TSHZ2: variants seen among roughly 807,000 people sequenced by gnomAD.
TSHZ2 encodes teashirt homolog 2.
TSHZ2 carries 21 observed loss-of-function variants against 74.4 expected under a neutral mutation model. The observed-to-expected ratio is 0.28, with a 90% CI of 0.20 to 0.41. The LOEUF (loss-of-function observed/expected upper bound fraction) is 0.41. Ranked by LOEUF, TSHZ2 falls within the 10% of genes least tolerant of loss-of-function variation. The probability of loss-of-function intolerance (pLI) is 1.00; values close to 1 mark genes in which losing one functional copy is unlikely to be tolerated. For synonymous variants in TSHZ2, 540 were observed against 515.3 expected (o/e 1.05, Z -0.65); for missense variants, 1,244 against 1,293.5 (o/e 0.96, Z 0.59).
chr20:53,299,632 C>A (rs542974075), intron 2 of TSHZ2, among the ~76,000 whole-genome samples: 1 of 152,196 alleles, frequency 6.6e-6, no homozygotes, highest in East Asian at 1.9e-4. Context: ...TATGGCTTCA[C>A]CATATGTACA....
At chr20:53,287,180 CT>C (rs559335302) in intron 2 of TSHZ2, among the ~76,000 whole-genome samples, 29 of 152,086 alleles carry the variant, frequency 1.9e-4, no homozygotes, top group Non-Finnish European at 3.8e-4. Context: ...ATATACTGAA[CT>C]TTTTCAAGGA....
chr20:53,462,365 G>T (rs1291462491), intron 2 of TSHZ2, among the ~76,000 whole-genome samples: 2 of 152,220 alleles, frequency 1.3e-5, no homozygotes. Context: ...AAGATTCTGT[G>T]TCCAGGCAGT....
At chr20:53,064,149 T>C (rs750399831) in intron 1 of TSHZ2, among the ~76,000 whole-genome samples, 5 of 152,206 alleles carry the variant, frequency 3.3e-5, no homozygotes, top group Admixed American at 6.5e-5. Flanking sequence ...CACCACCACT[T>C]ATCTATATAC....
chr20:53,257,952 T>C (rs939194882), intron 2 of TSHZ2, among the ~76,000 whole-genome samples: 1 of 152,204 alleles, frequency 6.6e-6, no homozygotes, highest in Non-Finnish European at 1.5e-5. Context: ...GAGCGGTATT[T>C]ACATGGCATG....
At chr20:53,435,184 T>C (rs1326010745) in intron 2 of TSHZ2, among the ~76,000 whole-genome samples, 2 of 152,218 alleles carry the variant, frequency 1.3e-5, no homozygotes, top group Non-Finnish European at 2.9e-5. Flanking sequence ...TTTTATTTCT[T>C]TGCAGCACAG....
intron 1 of TSHZ2, among the ~76,000 whole-genome samples, chr20:53,243,783 T>C (rs554957451): frequency 1.7e-4 from 26 of 152,268 alleles, no homozygotes; most frequent in Non-Finnish European, 2.2e-4. Context: ...CCAATGTAGC[T>C]TTTCTGAGAG....
intron 1 of TSHZ2, among the ~76,000 whole-genome samples, chr20:53,160,765 A>G (rs1987912178): frequency 6.7e-6 from 1 of 150,352 alleles, no homozygotes; most frequent in Non-Finnish European, 1.5e-5. Flanking sequence ...AAAAAAAAAG[A>G]CATTTCAGTT....
rs1173093922 is a variant in TSHZ2, at chr20:53,494,897, T to C, written c.*7762T>C. 1.3e-5 allele frequency: 2 copies of C among 152,064 alleles called. No individual in the cohort carries two copies. Among genetic ancestry groups the C allele is most frequent in the South Asian group, 2.1e-4 (1 of 4,820 alleles). The allele number at this position is 152,064 out of a possible 1,614,324, so 9.4% of individuals were successfully genotyped here. The stretch of plus-strand genomic sequence containing the variant: ...AGTTATTGGAAATAGACTGTTCCCA[T>C]CTGAAACCGTATCGTAATTTGCATC... On this transcript the variant is annotated 3_prime_UTR_variant, in exon 3 of 3. Transcript: ENST00000371497.
In TSHZ2 at chr20:53,039,781, A is replaced by AACAC. The variant is rs61356112; in HGVS notation, c.40+66479_40+66482dup. On this transcript the variant is annotated intron_variant, in intron 1 of 2. Transcript: ENST00000371497. The stretch of plus-strand genomic sequence containing the variant: ...GGTGACAGAGCTAGACTCCATCTCA[A>AACAC]ACACACACACACACACACACACACA... 8.3e-4 allele frequency among the ~76,000 whole-genome samples: 124 copies of AACAC among 149,702 alleles called. 2 individuals carry two copies. The Middle Eastern group carries it at 0.014, about 17-fold the overall frequency.
chr20:53,251,680 C>T (rs1268372014), intron 1 of TSHZ2, among the ~76,000 whole-genome samples: 1 of 152,150 alleles, frequency 6.6e-6, no homozygotes, highest in Admixed American at 6.5e-5. Context: ...ACTAACACAA[C>T]CATAAAACTC....
chr20:53,156,359 G>C (rs766223745), intron 1 of TSHZ2, among the ~76,000 whole-genome samples: 1 of 152,132 alleles, frequency 6.6e-6, no homozygotes, highest in Non-Finnish European at 1.5e-5. Flanking sequence ...GCAACTCAGT[G>C]GGCCTTCTTT....
chr20:53,305,775 C>T (rs1017912464), intron 2 of TSHZ2, among the ~76,000 whole-genome samples: 9 of 152,074 alleles, frequency 5.9e-5, no homozygotes, highest in African/African-American at 1.9e-4. Context: ...GTCAGAATTT[C>T]GAGACCATCC....
At chr20:53,166,372 C>T (rs1242125305) in intron 1 of TSHZ2, among the ~76,000 whole-genome samples, 3 of 152,132 alleles carry the variant, frequency 2.0e-5, no homozygotes, top group Non-Finnish European at 4.4e-5. Flanking sequence ...AATCCCAACA[C>T]TCTGGAAGGC....
At chr20:53,154,919 C>T (rs950182274) in intron 1 of TSHZ2, among the ~76,000 whole-genome samples, 1 of 151,906 alleles carries the variant, frequency 6.6e-6, no homozygotes, top group African/African-American at 2.4e-5. Flanking sequence ...AGTTCTTCTG[C>T]CCCACTAGAA....
At chr20:53,467,423 C>T (rs1249167338) in intron 2 of TSHZ2, among the ~76,000 whole-genome samples, 1 of 152,156 alleles carries the variant, frequency 6.6e-6, no homozygotes. Flanking sequence ...TATTCTACAT[C>T]TCATTCCACA....
At chr20:53,158,221 G>A (rs1654338953) in intron 1 of TSHZ2, among the ~76,000 whole-genome samples, 1 of 152,206 alleles carries the variant, frequency 6.6e-6, no homozygotes, top group Non-Finnish European at 1.5e-5. Flanking sequence ...GAAGGCAAAA[G>A]TGGAAGAGGC....
At chr20:53,226,933 G>A (rs1229505922) in intron 1 of TSHZ2, among the ~76,000 whole-genome samples, 5 of 152,148 alleles carry the variant, frequency 3.3e-5, no homozygotes, top group South Asian at 2.1e-4. Flanking sequence ...GTTGTTGTTC[G>A]GGGAACTGAA....
At chr20:53,359,420 T>C (rs1168591832) in intron 2 of TSHZ2, among the ~76,000 whole-genome samples, 1 of 152,164 alleles carries the variant, frequency 6.6e-6, no homozygotes, top group African/African-American at 2.4e-5. Context: ...AATCAAAAAA[T>C]CTCTGAAAAT....
intron 1 of TSHZ2, among the ~76,000 whole-genome samples, chr20:53,231,266 C>T (rs1989818932): frequency 1.3e-5 from 2 of 152,206 alleles, no homozygotes. Flanking sequence ...TCTTGACATC[C>T]TGCATATACA....
Sources: gnomAD v4.1 joint callset for allele counts (sites outside exome capture counted in the v4.1 genomes callset) on GRCh38, gnomAD v4.1.1 for gene constraint, MANE v1.5 for transcripts, NCBI Gene and HGNC (gene_info 2026-07-23, HGNC 2026-07-21) for gene names.